The following PRUNE2 variants were observed in gnomAD, a reference collection of about 807,000 sequenced individuals.
PRUNE2 encodes the protein prune homolog 2 with BCH domain.
PRUNE2 carries 164 observed loss-of-function variants against 252.0 expected under a neutral mutation model. The ratio of observed to expected loss-of-function variants is 0.65; its 90% CI spans 0.57 to 0.74. PRUNE2 has a LOEUF of 0.74. Among genes scored for constraint, PRUNE2 ranks in the 30% least tolerant of loss-of-function variants. PRUNE2 has a pLI of 0.00. For synonymous variants in PRUNE2, 1,292 were observed against 1,350.2 expected, an observed-to-expected ratio of 0.96 and a Z score of 0.94; for missense variants, 3,495 against 3,711.0, an observed-to-expected ratio of 0.94 and a Z score of 1.51.
intron 16 of PRUNE2, among the ~76,000 whole-genome samples, chr9:76,625,450 T>G (rs1417701091): frequency 6.6e-6 from 1 of 152,178 alleles, no homozygotes; most frequent in East Asian, 1.9e-4. Flanking sequence ...TACACAATGA[T>G]GAAAACATCT....
At chr9:76,716,313 A>G (rs1442024562) in intron 6 of PRUNE2, among the ~76,000 whole-genome samples, 2 of 152,260 alleles carry the variant, frequency 1.3e-5, no homozygotes, top group Admixed American at 6.5e-5. Context: ...CTTGTTGGAA[A>G]TGCAGAGTCT....
chr9:76,862,880 A>G (rs1278195182), intron 1 of PRUNE2: 1 of 152,128 alleles, frequency 6.6e-6, no homozygotes, highest in Non-Finnish European at 1.5e-5. Context: ...ATTCTTTTCA[A>G]CTTCTAAAAT....
At chr9:76,879,974 T>A (rs1265032203) in intron 1 of PRUNE2, among the ~76,000 whole-genome samples, 2 of 133,056 alleles carry the variant, frequency 1.5e-5, no homozygotes, top group Non-Finnish European at 3.1e-5. Context: ...AGTGCAGTGG[T>A]GCAATCTCGA....
Position 76,704,082 on chromosome 9 carries a change from A to G in PRUNE2, c.7531T>C (p.Ser2511Pro), listed in dbSNP as rs620552. ...ATTGTTTTTTCTTCTTCCAATTCTGATATTTCCTTGCTGGCACCTAGAAGT... is the reference window on the plus strand; with the variant it reads ...ATTGTTTTTTCTTCTTCCAATTCTGGTATTTCCTTGCTGGCACCTAGAAGT... ...GPPNGASKEI[S>P]ELEEEKTIPT... The change falls in exon 9 of 19, where the codon TCA (serine) becomes CCA (proline). Residue 2511 changes from serine (S) to proline (P), a missense_variant. By Grantham distance (74) the Ser-to-Pro change is moderately conservative. Transcript: ENST00000376718. 0.77 allele frequency: 1,230,763 copies of G among 1,591,856 alleles called. 477,917 individuals are homozygous for G. The highest frequency in any genetic ancestry group is 0.96 in the East Asian group (42,722 of 44,732).
intron 1 of PRUNE2, among the ~76,000 whole-genome samples, chr9:76,868,452 C>A (rs1402196904): frequency 1.3e-5 from 2 of 152,166 alleles, no homozygotes; most frequent in Non-Finnish European, 1.5e-5. Flanking sequence ...ACTGTGCCCA[C>A]CATCCCTAGC....
chr9:76,803,956 T>C (rs771977963), intron 6 of PRUNE2, among the ~76,000 whole-genome samples: 11 of 152,180 alleles, frequency 7.2e-5, no homozygotes, highest in African/African-American at 2.4e-4. Context: ...CTATTCCTCA[T>C]TTCCTAGCGC....
intron 10 of PRUNE2, among the ~76,000 whole-genome samples, chr9:76,654,715 C>A (rs1848601154): frequency 6.6e-6 from 1 of 152,142 alleles, no homozygotes; most frequent in African/African-American, 2.4e-5. Flanking sequence ...GGTTACCAAG[C>A]ATATTTGGCC....
Position 76,703,992 on chromosome 9 carries a change from C to T in PRUNE2, c.7621G>A (p.Glu2541Lys), listed in dbSNP as rs2046105088. ...YKEERCTEKN[E>K]DRHALHMDYI... ...TCCATGTGTAGTGCATGACGATCTT[C>T]ATTCTTCTCTGTACATCTTTCTTCC... Residue 2541 changes from glutamate to lysine, a missense_variant, in exon 9 of 19, where the codon GAA becomes AAA. By Grantham distance (56) the Glu-to-Lys change is moderately conservative. Coordinates refer to ENST00000376718, the MANE Select transcript of PRUNE2 (RefSeq NM_015225.3). 8 of 1,613,912 alleles carry T rather than the reference C, an allele frequency of 5.0e-6. No homozygotes were observed. The highest frequency in any genetic ancestry group is 5.9e-6 in the Non-Finnish European group (7 of 1,179,834).
In PRUNE2 at chr9:76,705,056, C is replaced by T; in HGVS notation, c.7218G>A (p.Gln2406=). 1.2e-6 allele frequency: 2 copies of T among 1,613,996 alleles called. No individual in the cohort carries two copies. The highest frequency in any genetic ancestry group is 2.2e-5 in the South Asian group (2 of 91,086). The change falls in exon 8 of 19, where the codon CAG becomes CAA. Residue 2406 remains glutamine (Q), a synonymous_variant. Transcript: ENST00000376718. The part of the protein sequence containing the change: ...FDLSYLTEPA[Q]SAETIEEAGS... ...CAGCTTCCTCTATTGTTTCAGCACT[C>T]TGGGCAGGTTCTGTGAGATAAGACA... is the stretch of plus-strand genomic sequence containing the variant.
At chr9:76,865,015 C>G (rs189692869) in intron 1 of PRUNE2, among the ~76,000 whole-genome samples, 1 of 152,256 alleles carries the variant, frequency 6.6e-6, no homozygotes, top group Admixed American at 6.5e-5. Flanking sequence ...AGATCAAGCA[C>G]AGTTTCAGAG....
intron 9 of PRUNE2, chr9:76,692,986 C>G (rs994087642): frequency 2.9e-5 from 4 of 136,854 alleles, no homozygotes; most frequent in Admixed American, 7.0e-5. Context: ...CCCTCCACCC[C>G]CTCCCCCCCT....
At chr9:76,781,017 C>T (rs1396395695) in intron 6 of PRUNE2, among the ~76,000 whole-genome samples, 1 of 152,126 alleles carries the variant, frequency 6.6e-6, no homozygotes, top group Non-Finnish European at 1.5e-5. Flanking sequence ...GTCCCCATAG[C>T]CAGTCCATCA....
At chr9:76,817,375 T>C (rs774901440) in intron 6 of PRUNE2, among the ~76,000 whole-genome samples, 3 of 152,186 alleles carry the variant, frequency 2.0e-5, no homozygotes, top group Non-Finnish European at 4.4e-5. Context: ...AAGATAGAGA[T>C]TATGGCAGAC....
chr9:76,698,362 T>A (rs1564069978), intron 9 of PRUNE2, among the ~76,000 whole-genome samples: 1 of 152,172 alleles, frequency 6.6e-6, no homozygotes, highest in South Asian at 2.1e-4. Flanking sequence ...CTTTTAATGA[T>A]ACTTATCACC....
At chr9:76,799,573 G>T (rs111446515) in intron 6 of PRUNE2, among the ~76,000 whole-genome samples, 5 of 152,148 alleles carry the variant, frequency 3.3e-5, no homozygotes, top group African/African-American at 1.2e-4. Context: ...AACATAAAAA[G>T]TGCCCTGTTA....
At chr9:76,872,642 CA>C (rs1564480040) in intron 1 of PRUNE2, among the ~76,000 whole-genome samples, 18 of 151,102 alleles carry the variant, frequency 1.2e-4, no homozygotes, top group African/African-American at 3.4e-4. Flanking sequence ...CACACACACA[CA>C]CCCTCACACC....
At chr9:76,891,620 C>T (rs1294700544) in intron 1 of PRUNE2, among the ~76,000 whole-genome samples, 1 of 152,206 alleles carries the variant, frequency 6.6e-6, no homozygotes, top group Non-Finnish European at 1.5e-5. Flanking sequence ...TAGATTTCAC[C>T]GTTGAATAGC....
At chr9:76,681,611 C>G (rs1299552053) in intron 9 of PRUNE2, among the ~76,000 whole-genome samples, 1 of 145,344 alleles carries the variant, frequency 6.9e-6, no homozygotes, top group Non-Finnish European at 1.5e-5. Context: ...TGTGTGGGTG[C>G]CCACCCAGGT....
intron 11 of PRUNE2, among the ~76,000 whole-genome samples, chr9:76,647,005 A>G (rs1845170138): frequency 6.6e-6 from 1 of 152,152 alleles, no homozygotes; most frequent in African/African-American, 2.4e-5. Flanking sequence ...CCTGGGCAAC[A>G]TGGCGAAACC....
Sources: allele counts gnomAD v4.1 joint callset (sites outside exome capture counted in the v4.1 genomes callset), GRCh38; gene constraint gnomAD v4.1.1; transcripts MANE v1.5; gene names NCBI Gene and HGNC (gene_info 2026-07-23, HGNC 2026-07-21).